Variants in TEAD1 observed in about 807,000 individuals in gnomAD.
TEAD1 encodes transcriptional enhancer factor TEF-1.
TEAD1 carries 9 observed loss-of-function variants against 54.9 expected under a neutral mutation model. The observed-to-expected ratio is 0.16, with a 90% CI of 0.10 to 0.29. The LOEUF is 0.29. Among genes scored for constraint, TEAD1 ranks in the 10% least tolerant of loss-of-function variants. TEAD1 has a pLI of 1.00. For synonymous variants in TEAD1, 200 were observed against 187.8 expected (o/e 1.07, Z -0.53); for missense variants, 387 against 535.9 (o/e 0.72, Z 2.74).
intron 10 of TEAD1, among the ~76,000 whole-genome samples, chr11:12,920,435 C>T (rs542492486): frequency 6.6e-6 from 1 of 152,128 alleles, no homozygotes; most frequent in Non-Finnish European, 1.5e-5. Context: ...CCCACCTGCC[C>T]CCATACACAA....
chr11:12,812,228 C>T (rs996327994), intron 3 of TEAD1, among the ~76,000 whole-genome samples: 2 of 152,054 alleles, frequency 1.3e-5, no homozygotes, highest in Non-Finnish European at 2.9e-5. Context: ...GGGGAAATGA[C>T]CCTCTTGCCA....
intron 3 of TEAD1, among the ~76,000 whole-genome samples, chr11:12,831,841 A>G (rs1946790683): frequency 6.6e-6 from 1 of 152,150 alleles, no homozygotes; most frequent in South Asian, 2.1e-4. Flanking sequence ...GCACAATAAT[A>G]CATTTACTTA....
intron 10 of TEAD1, chr11:12,921,224 T>A (rs1344515000): frequency 6.6e-6 from 1 of 152,182 alleles, no homozygotes; most frequent in African/African-American, 2.4e-5. Context: ...ACCACATGCA[T>A]GTTTTCACTT....
intron 3 of TEAD1, among the ~76,000 whole-genome samples, chr11:12,832,086 G>C (rs1000380379): frequency 1.3e-5 from 2 of 151,960 alleles, no homozygotes; most frequent in South Asian, 2.1e-4. Flanking sequence ...AAACCACACT[G>C]TCCCCCCACC....
intron 2 of TEAD1, among the ~76,000 whole-genome samples, chr11:12,756,445 C>T (rs1202760775): frequency 6.6e-6 from 1 of 152,174 alleles, no homozygotes; most frequent in African/African-American, 2.4e-5. Context: ...TTTTCTCAGG[C>T]CACTTGTTAG....
At chr11:12,919,897 T>C (rs1948773475) in intron 10 of TEAD1, among the ~76,000 whole-genome samples, 1 of 152,154 alleles carries the variant, frequency 6.6e-6, no homozygotes. Flanking sequence ...TTATATTACT[T>C]CTCCTTCAGT....
At chr11:12,797,703 A>G (rs1474867766) in intron 3 of TEAD1, among the ~76,000 whole-genome samples, 1 of 151,992 alleles carries the variant, frequency 6.6e-6, no homozygotes, top group Admixed American at 6.5e-5. Context: ...GCAGAGGATC[A>G]CCATTTCTCT....
chr11:12,818,569 G>C (rs1946465789), intron 3 of TEAD1, among the ~76,000 whole-genome samples: 1 of 152,168 alleles, frequency 6.6e-6, no homozygotes, highest in South Asian at 2.1e-4. Flanking sequence ...GACCAGTCAA[G>C]TCCAGCTCCT....
intron 3 of TEAD1, among the ~76,000 whole-genome samples, chr11:12,770,242 G>A (rs1945287751): frequency 6.6e-6 from 1 of 152,182 alleles, no homozygotes; most frequent in African/African-American, 2.4e-5. Flanking sequence ...TGTGTGGGGG[G>A]TATGCAAAAG....
At chr11:12,708,025 A>G (rs1943856890) in intron 2 of TEAD1, among the ~76,000 whole-genome samples, 1 of 151,990 alleles carries the variant, frequency 6.6e-6, no homozygotes, top group African/African-American at 2.4e-5. Context: ...TCTGTTGTTG[A>G]GATCTGTGCT....
chr11:12,681,307 A>C lies in TEAD1; in HGVS notation c.-55+5746A>C, dbSNP rs564924949. Among the ~76,000 whole-genome samples, 43 of 152,322 alleles carry C rather than the reference A, an allele frequency of 2.8e-4. No individual in the cohort carries two copies. In the East Asian group the frequency reaches 7.7e-3, roughly 27 times the overall value. On this transcript the variant is annotated intron_variant, in intron 2 of 12. Coordinates refer to ENST00000527636, the MANE Select transcript of TEAD1 (RefSeq NM_021961.6). ...AGGAGTAAGTTTGATACTGTTTTTA[A>C]ATTTTGATGAAAGGTTTCTAGTTTT...
chr11:12,814,929 C>T (rs758416309), intron 3 of TEAD1, among the ~76,000 whole-genome samples: 14 of 152,004 alleles, frequency 9.2e-5, no homozygotes, highest in African/African-American at 3.1e-4. Context: ...GCTGCCTCCA[C>T]GTGGGCAAGG....
chr11:12,680,837 A>G (rs915384453), intron 2 of TEAD1, among the ~76,000 whole-genome samples: 2 of 152,158 alleles, frequency 1.3e-5, no homozygotes, highest in African/African-American at 4.8e-5. Flanking sequence ...AGGCGTGCCT[A>G]TTGTTATGGC....
Position 12,690,252 on chromosome 11 carries a change from A to T in TEAD1, c.-55+14691A>T, listed in dbSNP as rs532634667. 6.5e-3 allele frequency among the ~76,000 whole-genome samples: 981 copies of T among 151,936 alleles called. 8 individuals carry two copies. Among genetic ancestry groups the T allele is most frequent in the African/African-American group, 0.023 (936 of 41,382 alleles). On this transcript the variant is annotated intron_variant, in intron 2 of 12. Transcript: ENST00000527636. The stretch of plus-strand genomic sequence containing the variant: ...GTGAGACTCCGTCTCAAAAAAAAAA[A>T]AAAAAAAAAAATAATAAGCCCTTAA...
chr11:12,727,305 G>A (rs758085031), intron 2 of TEAD1, among the ~76,000 whole-genome samples: 20 of 152,168 alleles, frequency 1.3e-4, no homozygotes, highest in Admixed American at 9.8e-4. Flanking sequence ...TGTGGGTGGG[G>A]ATGCTGGATG....
chr11:12,810,582 A>G (rs1946279599), intron 3 of TEAD1, among the ~76,000 whole-genome samples: 1 of 151,156 alleles, frequency 6.6e-6, no homozygotes, highest in Non-Finnish European at 1.5e-5. Flanking sequence ...GTCGTTTTAG[A>G]CTCGAGATTG....
At chr11:12,720,187 A>C (rs1944162941) in intron 2 of TEAD1, among the ~76,000 whole-genome samples, 1 of 151,892 alleles carries the variant, frequency 6.6e-6, no homozygotes, top group Non-Finnish European at 1.5e-5. Flanking sequence ...ATCAATTTGA[A>C]TTTAATGTTA....
At chr11:12,713,860 C>T (rs888158643) in intron 2 of TEAD1, among the ~76,000 whole-genome samples, 6 of 152,178 alleles carry the variant, frequency 3.9e-5, no homozygotes, top group Non-Finnish European at 7.3e-5. Flanking sequence ...ATCACATCTC[C>T]ATACTAATGT....
intron 2 of TEAD1, among the ~76,000 whole-genome samples, chr11:12,745,527 CGCT>C (rs996721074): frequency 3.7e-4 from 55 of 150,310 alleles, no homozygotes; most frequent in African/African-American, 1.2e-3. Context: ...AACACAGAAT[CGCT>C]GCCTGTCTGC....
Sources: allele counts gnomAD v4.1 joint callset (sites outside exome capture counted in the v4.1 genomes callset), GRCh38; gene constraint gnomAD v4.1.1; transcripts MANE v1.5; gene names NCBI Gene and HGNC (gene_info 2026-07-23, HGNC 2026-07-21).